POR: variants seen among roughly 807,000 people sequenced by gnomAD.
POR encodes cytochrome p450 oxidoreductase, also known as NADPH--cytochrome P450 reductase.
POR carries 56 observed loss-of-function variants against 84.0 expected under a neutral mutation model. The ratio of observed to expected loss-of-function variants is 0.67; its 90% CI spans 0.54 to 0.83. The LOEUF is 0.83. Ranked by LOEUF, POR falls within the 40% of genes least tolerant of loss-of-function variation. The pLI, the probability that POR is intolerant of heterozygous loss-of-function variation, is 0.00. For missense variants in POR, 938 were observed against 944.3 expected (o/e 0.99, Z 0.09); for synonymous variants, 414 against 400.5 (o/e 1.03, Z -0.40).
At chr7:75,957,370 C>T (rs113623731) in intron 2 of POR, among the ~76,000 whole-genome samples, 1 of 152,160 alleles carries the variant, frequency 6.6e-6, no homozygotes, top group African/African-American at 2.4e-5. Flanking sequence ...GGCTGGTACA[C>T]GGGGCATTGC....
chr7:75,945,671 C>G (rs1787143158), intron 1 of POR, among the ~76,000 whole-genome samples: 1 of 152,154 alleles, frequency 6.6e-6, no homozygotes, highest in South Asian at 2.1e-4. Context: ...CCCGCTCCCC[C>G]TGCAGCCAGA....
intron 8 of POR, among the ~76,000 whole-genome samples, chr7:75,982,702 C>G (rs1302486761): frequency 6.6e-6 from 1 of 152,210 alleles, no homozygotes; most frequent in African/African-American, 2.4e-5. Context: ...CTTGATGGCC[C>G]CTGGTTGCTG....
intron 1 of POR, among the ~76,000 whole-genome samples, chr7:75,920,176 C>T (rs540782323): frequency 1.7e-4 from 24 of 139,426 alleles, no homozygotes; most frequent in African/African-American, 6.4e-4. Context: ...AGCAATTCTT[C>T]TGCCTCAGCC....
At chr7:75,943,896 T>C in intron 1 of POR, 1 of 489,290 alleles carries the variant, frequency 2.0e-6, no homozygotes, top group Non-Finnish European at 4.0e-6. Context: ...GGCTCAGTCT[T>C]ATTTCATACC....
chr7:75,915,387 G>A (rs1488460638), intron 1 of POR: 1 of 152,404 alleles, frequency 6.6e-6, no homozygotes, highest in East Asian at 1.9e-4. Flanking sequence ...TTCCCCTAGA[G>A]CTGATCTCCC....
intron 1 of POR, among the ~76,000 whole-genome samples, chr7:75,943,520 A>G (rs1268063002): frequency 6.6e-6 from 1 of 152,148 alleles, no homozygotes; most frequent in Non-Finnish European, 1.5e-5. Flanking sequence ...AATAGATTCA[A>G]ATTTTTTGCA....
intron 2 of POR, among the ~76,000 whole-genome samples, chr7:75,964,032 C>A (rs1788061168): frequency 6.7e-6 from 1 of 149,480 alleles, no homozygotes; most frequent in Non-Finnish European, 1.5e-5. Context: ...TGGAGTCTTA[C>A]TCTGTGGCCC....
intron 2 of POR, among the ~76,000 whole-genome samples, chr7:75,956,020 A>G (rs1232597907): frequency 6.6e-6 from 1 of 152,208 alleles, no homozygotes; most frequent in Non-Finnish European, 1.5e-5. Context: ...GTTCAGGGCC[A>G]GGCACAGCGG....
chr7:75,950,709 G>T (rs1277477374), intron 1 of POR, among the ~76,000 whole-genome samples: 1 of 152,186 alleles, frequency 6.6e-6, no homozygotes, highest in Non-Finnish European at 1.5e-5. Context: ...GTGTTTATAA[G>T]ATTAAATATA....
chr7:75,930,596 C>G (rs1434099329), intron 1 of POR, among the ~76,000 whole-genome samples: 3 of 152,190 alleles, frequency 2.0e-5, no homozygotes, highest in Non-Finnish European at 4.4e-5. Flanking sequence ...GATCTTGGCT[C>G]ACTGCAGCCT....
At chr7:75,928,480 T>C (rs1178028222) in intron 1 of POR, among the ~76,000 whole-genome samples, 1 of 152,220 alleles carries the variant, frequency 6.6e-6, no homozygotes, top group African/African-American at 2.4e-5. Context: ...AAGTCACGTA[T>C]GTCACTTCTG....
In POR at chr7:75,980,412, AC is replaced by A; in HGVS notation, c.444del (p.Thr149ProfsTer108). The A allele has an allele frequency of 6.2e-7, 1 of 1,612,740 alleles. No individual in the cohort carries two copies. Among genetic ancestry groups the A allele is most frequent in the Non-Finnish European group, 8.5e-7 (1 of 1,179,770 alleles). On this transcript the variant is annotated frameshift_variant, in exon 5 of 16. Coordinates refer to ENST00000461988, the MANE Select transcript of POR (RefSeq NM_000941.3). LOFTEE classifies it high-confidence loss of function. ...TGCATGGCCACCTACGGTGAGGGAG[AC>A]CCCACCGACAATGCCCAGGACTTCT...
In POR at chr7:75,959,519, G is replaced by T. The variant is rs140537176; in HGVS notation, c.188+5339G>T. ...CACCCAGGCTGGAGTGCTATGGCGC[G>T]ATATCAGTTCACTGCAACCTCTGCC... On this transcript the variant is annotated intron_variant, in intron 2 of 15. Coordinates refer to ENST00000461988, the MANE Select transcript of POR (RefSeq NM_000941.3). Among the ~76,000 whole-genome samples the T allele has an allele frequency of 7.2e-3, 1,090 of 152,296 alleles. 16 individuals carry two copies. Among genetic ancestry groups the T allele is most frequent in the African/African-American group, 0.025 (1,048 of 41,566 alleles).
At chr7:75,946,942 C>T (rs1022632456) in intron 1 of POR, 1 of 152,204 alleles carries the variant, frequency 6.6e-6, no homozygotes, top group Non-Finnish European at 1.5e-5. Context: ...AGGTGGCTCC[C>T]AAACTGTGCC....
intron 2 of POR, among the ~76,000 whole-genome samples, chr7:75,958,265 C>T (rs1447518837): frequency 1.6e-4 from 25 of 151,992 alleles, no homozygotes; most frequent in Non-Finnish European, 1.0e-4. Flanking sequence ...TACAGGCGTG[C>T]ACCACCACCC....
chr7:75,968,181 A>G (rs1788269203), intron 2 of POR: 2 of 461,956 alleles, frequency 4.3e-6, no homozygotes, highest in Non-Finnish European at 4.4e-6. Flanking sequence ...CCCCTTGGCC[A>G]GGGGACGCCT....
At chr7:75,981,476 G>C in intron 6 of POR, 41 bp from the exon 7 acceptor site, 1 of 1,567,592 alleles carries the variant, frequency 6.4e-7, no homozygotes, top group South Asian at 1.2e-5. Flanking sequence ...TGCCACATGG[G>C]CCTCCCCTGA....
At chr7:75,943,415 A>G (rs1354450981) in intron 1 of POR, among the ~76,000 whole-genome samples, 3 of 152,208 alleles carry the variant, frequency 2.0e-5, no homozygotes, top group Non-Finnish European at 4.4e-5. Context: ...CAGTTAGGAT[A>G]TTCAGCTTCT....
chr7:75,970,293 C>T (rs974372319), intron 2 of POR, among the ~76,000 whole-genome samples: 1 of 151,968 alleles, frequency 6.6e-6, no homozygotes, highest in South Asian at 2.1e-4. Flanking sequence ...TTATTTATAT[C>T]GGTTGGTTGG....
Sources: gnomAD v4.1 joint callset for allele counts (sites outside exome capture counted in the v4.1 genomes callset) on GRCh38, gnomAD v4.1.1 for gene constraint, MANE v1.5 for transcripts, NCBI Gene and HGNC (gene_info 2026-07-23, HGNC 2026-07-21) for gene names.